The following PACC1 variants were observed in gnomAD, a reference collection of about 807,000 sequenced individuals.
The protein encoded by PACC1 is proton activated chloride channel 1.
PACC1 carries 34 observed loss-of-function variants against 39.7 expected under a neutral mutation model. That is an observed-to-expected ratio of 0.86 (90% confidence interval 0.65 to 1.14). The LOEUF (loss-of-function observed/expected upper bound fraction) is 1.14. Among genes scored for constraint, PACC1 ranks in the 50% most tolerant of loss-of-function variants. The pLI is 0.00. For synonymous variants in PACC1, 127 were observed against 160.6 expected, an observed-to-expected ratio of 0.79 and a Z score of 1.58; for missense variants, 379 against 436.4, an observed-to-expected ratio of 0.87 and a Z score of 1.17.
At chr1:212,367,327 T>C (rs1259237261) in intron 7 of PACC1, among the ~76,000 whole-genome samples, 1 of 152,016 alleles carries the variant, frequency 6.6e-6, no homozygotes, top group Non-Finnish European at 1.5e-5. Flanking sequence ...CCCCCAACCT[T>C]AGGCAGTGCA....
chr1:212,371,241 C>CAAAA (rs1189603478), intron 7 of PACC1, among the ~76,000 whole-genome samples: 3 of 88,748 alleles, frequency 3.4e-5, no homozygotes, highest in East Asian at 3.0e-4. Context: ...GACTCCATTT[C>CAAAA]AAAAAAAAAA....
chr1:212,407,902 C>T (rs760957026), intron 2 of PACC1, among the ~76,000 whole-genome samples: 2 of 152,018 alleles, frequency 1.3e-5, no homozygotes, highest in Non-Finnish European at 2.9e-5. Flanking sequence ...TGGTGAAACC[C>T]CATCTCTACT....
chr1:212,408,868 G>A (rs1662021846), intron 2 of PACC1, among the ~76,000 whole-genome samples: 1 of 152,220 alleles, frequency 6.6e-6, no homozygotes, highest in Admixed American at 6.5e-5. Flanking sequence ...TTTCATTCTA[G>A]TAGAACAGGG....
intron 1 of PACC1, chr1:212,413,831 A>C: frequency 2.1e-6 from 3 of 1,456,154 alleles, no homozygotes; most frequent in Non-Finnish European, 2.7e-6. Context: ...AAAGGGAGCG[A>C]TGGTAACACA....
Position 212,386,919 on chromosome 1 carries a change from G to T in PACC1, c.315C>A (p.Tyr105Ter), listed in dbSNP as rs761545851. Residue 105 changes from tyrosine to a stop codon, truncating the protein, a stop_gained, in exon 3 of 8, where the codon TAC (tyrosine) becomes TAA (stop). Transcript: ENST00000261455. LOFTEE classifies it high-confidence loss of function. This position sits in a 1 kb window ranked among gnomAD's most constrained non-coding sequence, Gnocchi z 5.0. ...GGGCATCATAGCGATCCACTTCCTT[G>T]TAAGACACAGACATGACAGGGTGCT... is the stretch of plus-strand genomic sequence containing the variant. Reference protein sequence around the residue: ...KLKHPVMSVSYKEVDRYDAPG... With the variant: ...KLKHPVMSVS 1.2e-6 allele frequency: 2 copies of T among 1,614,150 alleles called. No individual in the cohort carries two copies. The highest frequency in any genetic ancestry group is 3.3e-5 in the Admixed American group (2 of 60,014).
At chr1:212,413,073 T>A (rs1662194591) in intron 1 of PACC1, among the ~76,000 whole-genome samples, 1 of 152,136 alleles carries the variant, frequency 6.6e-6, no homozygotes, top group East Asian at 1.9e-4. Flanking sequence ...ACCTAAAAAC[T>A]TTCAGACACA....
At chr1:212,366,213 T>C (rs1660237688) in intron 7 of PACC1, among the ~76,000 whole-genome samples, 1 of 152,100 alleles carries the variant, frequency 6.6e-6, no homozygotes, top group Non-Finnish European at 1.5e-5. Context: ...AGGATTGTTC[T>C]CTCACTAACT....
At chr1:212,393,622 G>A (rs6689309) in intron 2 of PACC1, among the ~76,000 whole-genome samples, 1 of 151,856 alleles carries the variant, frequency 6.6e-6, no homozygotes. Flanking sequence ...CACAAAAAAC[G>A]CTTCAAAATA....
At position 212,386,918 on chromosome 1, in the gene PACC1, T is replaced by G; in HGVS notation, c.316A>C (p.Lys106Gln). The change falls in exon 3 of 8, where the codon AAG becomes CAG. Residue 106 changes from lysine to glutamine, a missense_variant. Transcript: ENST00000261455. The surrounding 1 kb of genome is among the most constrained non-coding windows in gnomAD (Gnocchi z 5.0). ...GGGGCATCATAGCGATCCACTTCCT[T>G]GTAAGACACAGACATGACAGGGTGC... The part of the protein sequence containing the change: ...LKHPVMSVSY[K>Q]EVDRYDAPGI... 1 of 1,614,008 alleles carries G rather than the reference T, an allele frequency of 6.2e-7. No individual in the cohort carries two copies. The highest frequency in any genetic ancestry group is 8.5e-7 in the Non-Finnish European group (1 of 1,179,986).
chr1:212,380,403 CTTTAAA>C (rs1411983475), intron 4 of PACC1, among the ~76,000 whole-genome samples: 2 of 152,178 alleles, frequency 1.3e-5, no homozygotes, highest in African/African-American at 2.4e-5. Context: ...CCTATGGAAA[CTTTAAA>C]TTTAACGTAG....
chr1:212,382,990 C>T (rs1660961193), intron 4 of PACC1, among the ~76,000 whole-genome samples: 2 of 152,240 alleles, frequency 1.3e-5, no homozygotes, highest in Admixed American at 1.3e-4. Context: ...AGCTGCGGGC[C>T]CTTCCCCTTC....
At chr1:212,389,628 G>C (rs1661234360) in intron 2 of PACC1, among the ~76,000 whole-genome samples, 1 of 152,054 alleles carries the variant, frequency 6.6e-6, no homozygotes, top group South Asian at 2.1e-4. Flanking sequence ...ATTTAGCAGA[G>C]AGAAAATTTA....
chr1:212,377,603 T>C lies in PACC1; in HGVS notation c.742A>G (p.Lys248Glu), dbSNP rs762468789. ...TWVKMSLVKT[K>E]EEDGREAVEF... ...ACTGCTTCCCGCCCATCCTCCTCCT[T>C]GGTCTTTACCAGTGACATCTTGACC... is the stretch of plus-strand genomic sequence containing the variant. Residue 248 changes from lysine to glutamate, a missense_variant, in exon 6 of 8, where the codon AAG (lysine) becomes GAG (glutamate). Lys to Glu is a moderately conservative substitution (Grantham distance 56, BLOSUM62 1). Coordinates refer to ENST00000261455, the MANE Select transcript of PACC1 (RefSeq NM_018252.3). 2 of 1,614,036 alleles carry C rather than the reference T, an allele frequency of 1.2e-6. No individual in the cohort carries two copies. The highest frequency in any genetic ancestry group is 2.2e-5 in the South Asian group (2 of 91,086).
At chr1:212,378,594 C>G (rs978561725) in intron 5 of PACC1, among the ~76,000 whole-genome samples, 1 of 152,182 alleles carries the variant, frequency 6.6e-6, no homozygotes, top group Non-Finnish European at 1.5e-5. Context: ...AACTCAGGCA[C>G]ATGAAGAAAA....
intron 2 of PACC1, among the ~76,000 whole-genome samples, chr1:212,409,112 G>A (rs940762974): frequency 6.6e-6 from 1 of 152,160 alleles, no homozygotes; most frequent in African/African-American, 2.4e-5. Flanking sequence ...AATCTGAGGT[G>A]GAACAGTTTC....
chr1:212,414,008 A>C, intron 1 of PACC1: 1 of 1,535,826 alleles, frequency 6.5e-7, no homozygotes, highest in Non-Finnish European at 8.7e-7. Flanking sequence ...GCGGAGGAGG[A>C]GAGCAGTTTC....
At chr1:212,410,976 T>C (rs1662106482) in intron 1 of PACC1, among the ~76,000 whole-genome samples, 1 of 152,200 alleles carries the variant, frequency 6.6e-6, no homozygotes, top group Non-Finnish European at 1.5e-5. Flanking sequence ...GCTCTCTCTG[T>C]GTCTTCACAT....
intron 2 of PACC1, among the ~76,000 whole-genome samples, chr1:212,388,226 G>GT (rs1661176724): frequency 6.6e-6 from 1 of 152,076 alleles, no homozygotes; most frequent in Admixed American, 6.5e-5. Context: ...CTCCTAGGCT[G>GT]TGAGTTCCAT....
Position 212,385,364 on chromosome 1 carries a change from A to G in PACC1, c.405T>C (p.Ile135=). The G allele has an allele frequency of 6.2e-7, 1 of 1,614,000 alleles. No homozygotes were observed. Among genetic ancestry groups the G allele is most frequent in the Non-Finnish European group, 8.5e-7 (1 of 1,179,980 alleles). ...GCTGGCCAGGGCTTGTCAGAGGAGG[A>G]ATGACCTCGTAATGGTGCTTACAGC... ...LLSCKHHYEV[I]PPLTSPGQPG... is the part of the protein sequence containing the mutation. Residue 135 remains isoleucine (I), a synonymous_variant, in exon 4 of 8, where the codon ATT becomes ATC. Transcript: ENST00000261455.
Sources: gnomAD v4.1 joint callset for allele counts (sites outside exome capture counted in the v4.1 genomes callset) on GRCh38, gnomAD v4.1.1 for gene constraint, Gnocchi (gnomAD v3.1) non-coding constraint, MANE v1.5 for transcripts, NCBI Gene and HGNC (gene_info 2026-07-23, HGNC 2026-07-21) for gene names.